The following MAST4 variants were observed in gnomAD, a reference collection of about 807,000 sequenced individuals.
The protein encoded by MAST4 is microtubule associated serine/threonine kinase family member 4, also known as microtubule-associated serine/threonine-protein kinase 4.
Under a neutral mutation model 162.7 loss-of-function variants are expected in MAST4, and 89 were observed. That is an observed-to-expected ratio of 0.55 (90% CI 0.46 to 0.65). The LOEUF is 0.65. Ranked by LOEUF, MAST4 falls within the 30% of genes least tolerant of loss-of-function variation. The probability of loss-of-function intolerance (pLI) is 0.00; values close to 1 mark genes in which losing one functional copy is unlikely to be tolerated. For synonymous variants in MAST4, 1,479 were observed against 1,361.1 expected (o/e 1.09, Z -1.91); for missense variants, 3,153 against 3,374.0 (o/e 0.93, Z 1.62).
intron 1 of MAST4, among the ~76,000 whole-genome samples, chr5:66,630,794 T>C (rs186033221): frequency 1.3e-5 from 2 of 152,292 alleles, no homozygotes; most frequent in African/African-American, 4.8e-5. Context: ...AGTGGTTCCA[T>C]AGAGTGATCT....
intron 6 of MAST4, 37 bp from the exon 7 acceptor site, chr5:67,095,560 C>G (rs763799047): frequency 2.0e-6 from 3 of 1,531,642 alleles, no homozygotes; most frequent in Admixed American, 3.8e-5. Flanking sequence ...TGACAGTACG[C>G]CAGTGTTGGC....
At chr5:66,742,483 G>A (rs1162578086) in intron 1 of MAST4, among the ~76,000 whole-genome samples, 1 of 152,116 alleles carries the variant, frequency 6.6e-6, no homozygotes, top group Non-Finnish European at 1.5e-5. Context: ...AAAAAGGAAT[G>A]TGATGCAACT....
At chr5:67,159,906 A>C (rs756023743) in intron 26 of MAST4, among the ~76,000 whole-genome samples, 3 of 152,248 alleles carry the variant, frequency 2.0e-5, no homozygotes, top group African/African-American at 4.8e-5. Flanking sequence ...TAAAATAATT[A>C]AAAATAAAAG....
At chr5:66,940,472 C>A (rs1743240601) in intron 4 of MAST4, among the ~76,000 whole-genome samples, 1 of 152,054 alleles carries the variant, frequency 6.6e-6, no homozygotes, top group South Asian at 2.1e-4. Context: ...ATTCTAAATC[C>A]TTTGGTTTTA....
chr5:66,965,556 T>C (rs1186405722), intron 4 of MAST4, among the ~76,000 whole-genome samples: 1 of 66,748 alleles, frequency 1.5e-5, no homozygotes, highest in Non-Finnish European at 2.7e-5. Flanking sequence ...TGAAAAATAT[T>C]GGAGGTTCAG....
chr5:66,629,614 A>G (rs1163423267), intron 1 of MAST4, among the ~76,000 whole-genome samples: 1 of 152,178 alleles, frequency 6.6e-6, no homozygotes, highest in African/African-American at 2.4e-5. Flanking sequence ...CCTGTCTCCC[A>G]TTCCGTTGGT....
In MAST4 at chr5:66,919,099, AACAC is replaced by A. The variant is rs56340246; in HGVS notation, c.674+19153_674+19156del. Among the ~76,000 whole-genome samples, 329 of 142,294 alleles carry A rather than the reference AACAC, an allele frequency of 2.3e-3. 2 individuals are homozygous for A. The highest frequency in any genetic ancestry group is 4.2e-3 in the East Asian group (20 of 4,772). 93.4% of individuals were successfully genotyped at this position (142,294 alleles called of 152,430 possible). A position where few individuals can be genotyped will look rare whatever the true frequency, so the allele number is the denominator to read the frequency against. On this transcript the variant is annotated intron_variant, in intron 4 of 28. Coordinates refer to ENST00000403625, the MANE Select transcript of MAST4 (RefSeq NM_001164664.2). ...GCCTGGGTGACAGAGCGAGACTCTC[AACAC>A]ACACACACACACACACACACACACA...
intron 4 of MAST4, among the ~76,000 whole-genome samples, chr5:66,953,196 C>T (rs1221843245): frequency 6.6e-6 from 1 of 152,128 alleles, no homozygotes; most frequent in East Asian, 1.9e-4. Flanking sequence ...AATAATTGAA[C>T]ATTCAGGGAA....
At chr5:67,161,127 T>C (rs1003512145) in intron 27 of MAST4, among the ~76,000 whole-genome samples, 1 of 152,248 alleles carries the variant, frequency 6.6e-6, no homozygotes, top group South Asian at 2.1e-4. Context: ...CTTTTTGTGC[T>C]GCTTGCAGAC....
At chr5:66,646,711 GGAT>G (rs758396754) in intron 1 of MAST4, among the ~76,000 whole-genome samples, 8 of 152,132 alleles carry the variant, frequency 5.3e-5, no homozygotes, top group Non-Finnish European at 7.4e-5. Flanking sequence ...CAGCTTCAGT[GGAT>G]GATGTTGGAT....
chr5:66,891,014 G>A (rs1247813250), intron 3 of MAST4, among the ~76,000 whole-genome samples: 1 of 152,192 alleles, frequency 6.6e-6, no homozygotes, highest in Non-Finnish European at 1.5e-5. Context: ...AAGTGGAAAA[G>A]GTGGTTGTCA....
intron 4 of MAST4, among the ~76,000 whole-genome samples, chr5:67,040,001 T>C (rs1008344474): frequency 1.3e-4 from 20 of 151,410 alleles, no homozygotes; most frequent in African/African-American, 4.8e-4. Context: ...ATATATATAA[T>C]ATAAACTTAT....
intron 2 of MAST4, among the ~76,000 whole-genome samples, chr5:66,763,813 A>T (rs1319857822): frequency 6.6e-6 from 1 of 152,160 alleles, no homozygotes; most frequent in Non-Finnish European, 1.5e-5. Context: ...TGCATTATTG[A>T]CTTAAGATAT....
Position 67,165,142 on chromosome 5 carries a change from C to G in MAST4, c.5963C>G (p.Ala1988Gly). Residue 1988 changes from alanine (A) to glycine (G), a missense_variant, in exon 29 of 29, where the codon GCG becomes GGG. By Grantham distance (60) the Ala-to-Gly change is moderately conservative. Transcript: ENST00000403625. ...ACAGCCAGAAGCGAGCGCTCTGCTG[C>G]GAGGGCTGACACATGCAGAGAGCCC... ...PPTARSERSA[A>G]RADTCREPSM... 1.9e-6 allele frequency: 3 copies of G among 1,591,856 alleles called. No individual in the cohort carries two copies. Among genetic ancestry groups the G allele is most frequent in the Non-Finnish European group, 2.6e-6 (3 of 1,169,002 alleles).
At chr5:66,796,302 G>T (rs1486303585) in intron 3 of MAST4, among the ~76,000 whole-genome samples, 1 of 152,232 alleles carries the variant, frequency 6.6e-6, no homozygotes, top group African/African-American at 2.4e-5. Context: ...CTAAGAACGA[G>T]TGAAGAACTA....
intron 5 of MAST4, among the ~76,000 whole-genome samples, chr5:67,080,985 TAA>T (rs1383027675): frequency 6.8e-5 from 9 of 131,856 alleles, no homozygotes; most frequent in Admixed American, 5.6e-4. Context: ...ATAATATATA[TAA>T]TTGTATATAT....
At chr5:67,042,618 A>C (rs369769076) in intron 4 of MAST4, among the ~76,000 whole-genome samples, 3 of 152,208 alleles carry the variant, frequency 2.0e-5, no homozygotes, top group South Asian at 2.1e-4. Context: ...GTAGGGACCA[A>C]GCACTAAAGT....
intron 4 of MAST4, among the ~76,000 whole-genome samples, chr5:66,951,067 T>C (rs1433082477): frequency 6.6e-6 from 1 of 152,186 alleles, no homozygotes; most frequent in Admixed American, 6.5e-5. Context: ...ACTTGGGTAA[T>C]TTTCAGTTTT....
rs767749258 is a variant in MAST4, at chr5:67,160,457, G to C, written c.3650G>C (p.Ser1217Thr). Residue 1217 changes from serine to threonine, a missense_variant and splice_region_variant, in exon 27 of 29, where the codon AGT (serine) becomes ACT (threonine). By Grantham distance (58) the Ser-to-Thr change is moderately conservative. Around this residue, in one of 7 missense-constraint regions of MAST4, gnomAD observed 619 missense variants for 744.2 expected, o/e 0.83. Transcript: ENST00000403625. ...HTEVIELLLK[S>T]GNKVSITTTP... is the part of the protein sequence containing the mutation. ...AATGCCACCTCATCTTTTCTTTAGA[G>C]TGGGAATAAGGTGTCAATCACTACT... 6.9e-6 allele frequency: 11 copies of C among 1,604,584 alleles called. No individual in the cohort carries two copies. The highest frequency in any genetic ancestry group is 9.4e-6 in the Non-Finnish European group (11 of 1,176,050).
Sources: allele counts gnomAD v4.1 joint callset (sites outside exome capture counted in the v4.1 genomes callset), GRCh38; gene constraint gnomAD v4.1.1; regional missense constraint gnomAD v4.1.1; transcripts MANE v1.5; gene names NCBI Gene and HGNC (gene_info 2026-07-23, HGNC 2026-07-21).